CLEC2A: variants seen among roughly 807,000 people sequenced by gnomAD.
The protein encoded by CLEC2A is keratinocyte-associated C-type lectin.
A neutral mutation model predicts 18.6 loss-of-function variants in CLEC2A; 19 were observed. That is an observed-to-expected ratio of 1.02 (90% CI 0.71 to 1.50). The LOEUF (loss-of-function observed/expected upper bound fraction) is 1.50. Ranked by LOEUF, CLEC2A falls within the 40% of genes most tolerant of loss-of-function variation. The probability of loss-of-function intolerance (pLI) is 0.00; values close to 1 mark genes in which losing one functional copy is unlikely to be tolerated. For missense variants in CLEC2A, 190 were observed against 207.9 expected (o/e 0.91, Z 0.53); for synonymous variants, 74 against 64.0 (o/e 1.16, Z -0.75).
At chr12:9,903,178 G>GTT (rs540104900) in intron 4 of CLEC2A, among the ~76,000 whole-genome samples, 2 of 145,188 alleles carry the variant, frequency 1.4e-5, no homozygotes, top group Admixed American at 1.4e-4. Flanking sequence ...TTCCCTCTTT[G>GTT]TTTTTTTTTT....
the CLEC2A span, among the ~76,000 whole-genome samples, chr12:9,880,277 A>G: frequency 0.012 from 1,859 of 152,332 alleles, 42 homozygotes; most frequent in African/African-American, 0.041. Context: ...AAAGAACAAA[A>G]TAGAAAAATG....
chr12:9,880,512 C>T, the CLEC2A span, among the ~76,000 whole-genome samples: 7 of 147,724 alleles, frequency 4.7e-5, no homozygotes, highest in Non-Finnish European at 1.0e-4. Context: ...AGAAACAGAA[C>T]CATTAGCATG....
At chr12:9,919,942 C>T (rs1863137826) in intron 3 of CLEC2A, among the ~76,000 whole-genome samples, 1 of 152,214 alleles carries the variant, frequency 6.6e-6, no homozygotes, top group Non-Finnish European at 1.5e-5. Context: ...CTTACAAGGG[C>T]AGTCTGGCCA....
In CLEC2A at chr12:9,913,397, T is replaced by G. The variant is rs1863016952; in HGVS notation, c.*169A>C. On this transcript the variant is annotated 3_prime_UTR_variant, in exon 5 of 5. Transcript: ENST00000455827. ...AAAGGCTCCAGAGAACGGCCTTGTC[T>G]CTTTAACCATGGCAGGGCACAGCAA... The G allele has an allele frequency of 1.6e-6, 2 of 1,235,594 alleles. No homozygotes were observed. The highest frequency in any genetic ancestry group is 2.1e-6 in the Non-Finnish European group (2 of 933,096). 76.5% of individuals were successfully genotyped at this position (1,235,594 alleles called of 1,614,324 possible).
intron 3 of CLEC2A, among the ~76,000 whole-genome samples, chr12:9,920,771 C>T (rs1324392978): frequency 1.3e-5 from 2 of 152,206 alleles, no homozygotes; most frequent in Non-Finnish European, 2.9e-5. Context: ...CTAGAGTCCA[C>T]GTGTCTCCTT....
chr12:9,896,330 G>A (rs927351018), downstream of CLEC2A, among the ~76,000 whole-genome samples: 2 of 151,926 alleles, frequency 1.3e-5, no homozygotes, highest in Non-Finnish European at 2.9e-5. Context: ...CAATATTTAG[G>A]TGATGGATAA....
intron 2 of CLEC2A, among the ~76,000 whole-genome samples, chr12:9,925,657 AT>A (rs34287798): frequency 0.73 from 111,243 of 152,008 alleles, 41,174 homozygotes; most frequent in South Asian, 0.82. Flanking sequence ...TTTATGTGGG[AT>A]TTTTTTTTAT....
downstream of CLEC2A, among the ~76,000 whole-genome samples, chr12:9,896,858 ATTT>A (rs764556099): frequency 9.5e-3 from 1,287 of 135,922 alleles, 11 homozygotes; most frequent in African/African-American, 0.034. Context: ...CAGTCTCTTA[ATTT>A]TTTTTTTTTT....
the CLEC2A span, among the ~76,000 whole-genome samples, chr12:9,888,054 C>T: frequency 1.5e-5 from 1 of 65,498 alleles, no homozygotes; most frequent in South Asian, 5.8e-4. Context: ...GACCCTGTGT[C>T]AAAAAAAAAA....
At chr12:9,894,101 CTCTT>C (rs1565524045), downstream of CLEC2A, among the ~76,000 whole-genome samples, 4 of 147,864 alleles carry the variant, frequency 2.7e-5, no homozygotes, top group Admixed American at 1.3e-4. Flanking sequence ...TTCTCTTTCT[CTCTT>C]TTTCTTTTTC....
chr12:9,907,622 C>T (rs191379178), intron 4 of CLEC2A, among the ~76,000 whole-genome samples: 227 of 152,224 alleles, frequency 1.5e-3, no homozygotes, highest in African/African-American at 5.3e-3. Flanking sequence ...GTAGAGAAGG[C>T]AGCTACTTTC....
chr12:9,888,585 GGAA>G, the CLEC2A span: 2 of 476,496 alleles, frequency 4.2e-6, no homozygotes, highest in Non-Finnish European at 7.5e-6. Context: ...TTAAATCTGG[GGAA>G]GAAGAGGAGT....
the CLEC2A span, among the ~76,000 whole-genome samples, chr12:9,888,113 CAG>C: frequency 2.8e-4 from 21 of 76,318 alleles, 1 homozygote; most frequent in East Asian, 5.8e-3. Flanking sequence ...AAAAAGAAAA[CAG>C]AATGTCAATT....
At chr12:9,889,760 G>A in the CLEC2A span, among the ~76,000 whole-genome samples, 2 of 151,876 alleles carry the variant, frequency 1.3e-5, no homozygotes, top group African/African-American at 4.8e-5. Flanking sequence ...AATACAGTGT[G>A]GAGGCAGTAT....
rs185978029 is a variant in CLEC2A at position 9,916,562 on chromosome 12, G to A, written c.410+138C>T. 5.5e-4 allele frequency: 358 copies of A among 653,628 alleles called. 2 individuals are homozygous for A. The highest frequency in any genetic ancestry group is 2.0e-4 in the Non-Finnish European group (74 of 367,282). 40.5% of individuals were successfully genotyped at this position (653,628 alleles called of 1,614,324 possible). A position where few individuals can be genotyped will look rare whatever the true frequency, so the allele number is the denominator to read the frequency against. ...TATGCTTCAATGTGAAAGGGCATATGTCATCGATTGGAGACTGAAAAGTTA... is the reference window on the plus strand; with the variant it reads ...TATGCTTCAATGTGAAAGGGCATATATCATCGATTGGAGACTGAAAAGTTA... On this transcript the variant is annotated intron_variant, in intron 4 of 4. Transcript: ENST00000455827.
the CLEC2A span, among the ~76,000 whole-genome samples, chr12:9,880,831 C>G: frequency 6.6e-6 from 1 of 152,092 alleles, no homozygotes. Context: ...CTGCCTTACT[C>G]AAAGGTCACC....
At chr12:9,891,567 A>C in the CLEC2A span, among the ~76,000 whole-genome samples, 1 of 152,266 alleles carries the variant, frequency 6.6e-6, no homozygotes, top group East Asian at 1.9e-4. Context: ...TCCCCTCTCA[A>C]ATCATAACTT....
chr12:9,911,703 A>C (rs1862988769), downstream of CLEC2A, among the ~76,000 whole-genome samples: 1 of 152,232 alleles, frequency 6.6e-6, no homozygotes, highest in Non-Finnish European at 1.5e-5. Flanking sequence ...ACTTTTCTTT[A>C]GGACAAATTA....
chr12:9,907,185 A>C (rs1399033804), intron 4 of CLEC2A, among the ~76,000 whole-genome samples: 3 of 152,298 alleles, frequency 2.0e-5, no homozygotes, highest in Admixed American at 2.0e-4. Flanking sequence ...GTTCCTGGGT[A>C]AGTACCCCTA....
Sources: gnomAD v4.1 joint callset for allele counts (sites outside exome capture counted in the v4.1 genomes callset) on GRCh38, gnomAD v4.1.1 for gene constraint, MANE v1.5 for transcripts, NCBI Gene and HGNC (gene_info 2026-07-23, HGNC 2026-07-21) for gene names.